Variants in AKAP9 observed in about 807,000 individuals in gnomAD.
AKAP9 encodes the protein A-kinase anchoring protein 9, also known as A-kinase anchor protein 9.
In AKAP9, 311 loss-of-function variants were observed where a neutral mutation model predicts 488.5. That is an observed-to-expected ratio of 0.64 (90% confidence interval 0.58 to 0.70). The LOEUF is 0.70. AKAP9 is among the 30% of genes least tolerant of loss of function. AKAP9 has a pLI of 0.00. For synonymous variants in AKAP9, 1,462 were observed against 1,483.5 expected (o/e 0.99, Z 0.33); for missense variants, 4,215 against 4,374.5 (o/e 0.96, Z 1.03).
chr7:92,107,200 A>G, intron 47 of AKAP9, 93 bp from the exon 48 acceptor site: 1 of 1,205,384 alleles, frequency 8.3e-7, no homozygotes, highest in South Asian at 1.2e-5. Flanking sequence ...AATATAGTAT[A>G]ATAGTCTTTT....
chr7:92,008,353 AAAAAG>A (rs1028919171), intron 8 of AKAP9, among the ~76,000 whole-genome samples: 81 of 149,360 alleles, frequency 5.4e-4, no homozygotes, highest in African/African-American at 1.9e-3. Flanking sequence ...GGCGACAGAA[AAAAAG>A]AAAAGAAAAG....
rs371461279 is a variant in AKAP9, at chr7:92,080,113, A to C, written c.7980A>C (p.Lys2660Asn). The C allele has an allele frequency of 1.3e-5, 21 of 1,591,230 alleles. No homozygotes were observed. Among genetic ancestry groups the C allele is most frequent in the Admixed American group, 5.4e-5 (3 of 55,514 alleles). ...LEGNEKKQRE[K>N]EKKRSPQDVE... Reference sequence around the variant, plus strand: ...GCAATGAGAAAAAACAGAGAGAGAAAGAAAAGAAAAGAAGCCCTCAAGATG... The same window carrying C: ...GCAATGAGAAAAAACAGAGAGAGAACGAAAAGAAAAGAAGCCCTCAAGATG... The change falls in exon 31 of 50, where the codon AAA (lysine) becomes AAC (asparagine). Residue 2660 changes from lysine to asparagine, a missense_variant. Lys to Asn is a moderately conservative substitution (Grantham distance 94). Around this residue, in one of 5 missense-constraint regions of AKAP9, gnomAD observed 1,476 missense variants for 1,477.4 expected, o/e 1.00. Coordinates refer to ENST00000356239, the MANE Select transcript of AKAP9 (RefSeq NM_005751.5).
chr7:91,949,842 A>G (rs1245153691), intron 1 of AKAP9, among the ~76,000 whole-genome samples: 1 of 152,138 alleles, frequency 6.6e-6, no homozygotes, highest in East Asian at 1.9e-4. Flanking sequence ...CTTGTTCACT[A>G]ACAATGTAGT....
rs371245265 is a variant in AKAP9, at chr7:91,940,883, T to TGGCGGCGGCGGC, written c.-211_-200dup. The TGGCGGCGGCGGC allele has an allele frequency of 1.3e-5, 8 of 601,712 alleles. No individual in the cohort carries two copies. Among genetic ancestry groups the TGGCGGCGGCGGC allele is most frequent in the Admixed American group, 5.7e-5 (2 of 35,138 alleles). The allele number at this position is 601,712 out of a possible 1,614,324, so 37.3% of individuals were successfully genotyped here. On this transcript the variant is annotated 5_prime_UTR_variant, in exon 1 of 50. Coordinates refer to ENST00000356239, the MANE Select transcript of AKAP9 (RefSeq NM_005751.5). ...CCGTGTGTTTACGTGGAGACGAAGA[T>TGGCGGCGGCGGC]GGCGGCGGCGGCGGCGGTGACGGCG... is the stretch of plus-strand genomic sequence containing the variant.
At chr7:92,097,380 G>T in intron 41 of AKAP9, 23 bp downstream of exon 41, 1 of 1,609,014 alleles carries the variant, frequency 6.2e-7, no homozygotes, top group Non-Finnish European at 8.5e-7. Flanking sequence ...TTTCTTTTTA[G>T]ATATTTTTAA....
chr7:92,055,340 A>G (rs1205303141), intron 22 of AKAP9, among the ~76,000 whole-genome samples: 2 of 152,076 alleles, frequency 1.3e-5, no homozygotes, highest in African/African-American at 4.8e-5. Context: ...TTTGCCTTCA[A>G]GTATTGTCCC....
intron 21 of AKAP9, among the ~76,000 whole-genome samples, chr7:92,050,937 C>T (rs916895329): frequency 2.0e-5 from 3 of 152,170 alleles, no homozygotes; most frequent in Admixed American, 1.3e-4. Flanking sequence ...TATCTTCTTT[C>T]CTTGTCTTCT....
Position 92,096,704 on chromosome 7 carries a change from C to G in AKAP9, c.9745C>G (p.Leu3249Val). 1 of 1,614,012 alleles carries G rather than the reference C, an allele frequency of 6.2e-7. No individual in the cohort carries two copies. Among genetic ancestry groups the G allele is most frequent in the Non-Finnish European group, 8.5e-7 (1 of 1,179,972 alleles). The stretch of plus-strand genomic sequence containing the variant: ...CTCGTACCAGGATCTGAAGTTTTCA[C>G]TTGAGAGTCAGAAACAAAGGAATCT... ...KEELEDLKFS[L>V]ESQKQRNLQL... The change falls in exon 41 of 50, where the codon CTT becomes GTT. Residue 3249 changes from leucine to valine, a missense_variant. Physicochemically the swap from Leu to Val is conservative, Grantham distance 32. Transcript: ENST00000356239.
chr7:92,073,859 C>CT (rs1307763052), intron 28 of AKAP9, among the ~76,000 whole-genome samples: 1 of 152,148 alleles, frequency 6.6e-6, no homozygotes, highest in Admixed American at 6.5e-5. Context: ...AAACACAAGT[C>CT]TTACACAAAA....
At chr7:92,034,812 T>TA (rs1804927182) in intron 16 of AKAP9, among the ~76,000 whole-genome samples, 1 of 152,062 alleles carries the variant, frequency 6.6e-6, no homozygotes, top group Non-Finnish European at 1.5e-5. Context: ...AGTATTCTTT[T>TA]ATCATTTAAT....
intron 46 of AKAP9, among the ~76,000 whole-genome samples, chr7:92,104,212 A>G (rs1027624745): frequency 3.6e-4 from 52 of 143,120 alleles, no homozygotes; most frequent in African/African-American, 1.3e-3. Flanking sequence ...TTTTTTTGAG[A>G]CAGAGTCTTG....
rs730880044 is a variant in AKAP9 at position 92,105,725 on chromosome 7, C to G, written c.11378C>G (p.Ser3793Cys). Residue 3793 changes from serine (S) to cysteine (C), a missense_variant, in exon 47 of 50, where the codon TCC (serine) becomes TGC (cysteine). Transcript: ENST00000356239. ...RRWHRVTGSV[S>C]ININRDGFGL... Reference sequence around the variant, plus strand: ...TGGCATCGAGTCACAGGTTCTGTTTCCATCAATATTAACAGAGATGGCTTT... The same window carrying G: ...TGGCATCGAGTCACAGGTTCTGTTTGCATCAATATTAACAGAGATGGCTTT... The G allele has an allele frequency of 1.1e-5, 17 of 1,613,986 alleles. No individual in the cohort carries two copies. The highest frequency in any genetic ancestry group is 1.4e-5 in the Non-Finnish European group (17 of 1,180,002).
Position 92,012,416 on chromosome 7 carries a change from T to C in AKAP9, c.3319-13T>C. The C allele has an allele frequency of 6.2e-7, 1 of 1,600,950 alleles. No individual in the cohort carries two copies. Among genetic ancestry groups the C allele is most frequent in the South Asian group, 1.1e-5 (1 of 90,584 alleles). On this transcript the variant is annotated splice_polypyrimidine_tract_variant and intron_variant, in intron 8 of 49. Coordinates refer to ENST00000356239, the MANE Select transcript of AKAP9 (RefSeq NM_005751.5). The stretch of plus-strand genomic sequence containing the variant: ...TTAAGAATATTATAATGTTTACATA[T>C]GTTTACTTTAAGAATGATTTAAGGC...
intron 1 of AKAP9, among the ~76,000 whole-genome samples, chr7:91,942,843 T>G (rs1562872394): frequency 6.6e-6 from 1 of 152,156 alleles, no homozygotes; most frequent in Non-Finnish European, 1.5e-5. Context: ...AAGATTATCT[T>G]CTTTTAGAAT....
chr7:92,042,182 C>T lies in AKAP9; in HGVS notation c.5054C>T (p.Thr1685Ile). 4 of 1,613,790 alleles carry T rather than the reference C, an allele frequency of 2.5e-6. No homozygotes were observed. The highest frequency in any genetic ancestry group is 3.4e-6 in the Non-Finnish European group (4 of 1,179,792). ...CCELRNSSTQ[T>I]QNGNENQGEV... ...GAGCTGCGCAACAGCAGTACGCAAACACAGGTAGTATGGACTTTGCCCCAC... is the reference window on the plus strand; with the variant it reads ...GAGCTGCGCAACAGCAGTACGCAAATACAGGTAGTATGGACTTTGCCCCAC... The change falls in exon 19 of 50, where the codon ACA (threonine) becomes ATA (isoleucine). Residue 1685 changes from threonine (T) to isoleucine (I), a missense_variant. Thr to Ile is a moderately conservative substitution (Grantham distance 89). This residue lies in a region of AKAP9 where 2,361 missense variants were observed against 2,430.0 expected (regional missense o/e 0.97). Transcript: ENST00000356239.
intron 14 of AKAP9, among the ~76,000 whole-genome samples, chr7:92,023,290 C>T (rs1802595269): frequency 6.6e-6 from 1 of 152,132 alleles, no homozygotes; most frequent in Non-Finnish European, 1.5e-5. Flanking sequence ...CGGCAGTGTG[C>T]ACATATTTGC....
rs878854809 is a variant in AKAP9 at position 92,079,099 on chromosome 7, A to G, written c.6966A>G (p.Glu2322=). ...TDNKVIEEKN[E]LIRDLETQIE... is the part of the protein sequence containing the mutation. ...ATTAGGTTATTGAAGAAAAAAATGAACTGATAAGGGATCTTGAAACCCAAA... is the reference window on the plus strand; with the variant it reads ...ATTAGGTTATTGAAGAAAAAAATGAGCTGATAAGGGATCTTGAAACCCAAA... The change falls in exon 31 of 50, where the codon GAA becomes GAG. Residue 2322 remains glutamate (E), a synonymous_variant. Transcript: ENST00000356239. 6.2e-7 allele frequency: 1 copy of G among 1,607,788 alleles called. No homozygotes were observed. Among genetic ancestry groups the G allele is most frequent in the Non-Finnish European group, 8.5e-7 (1 of 1,177,580 alleles).
rs552327578 is a variant in AKAP9 at position 91,951,834 on chromosome 7, C to T, written c.48+10687C>T. On this transcript the variant is annotated intron_variant, in intron 1 of 49. Transcript: ENST00000356239. ...CGCTTGCAGTGAGCCAAGATCATGC[C>T]ACTGCACTCCAGCCTGGGCAACAGA... Among the ~76,000 whole-genome samples, 5 of 152,118 alleles carry T rather than the reference C, an allele frequency of 3.3e-5. No homozygotes were observed. The East Asian group carries it at 7.7e-4, about 24-fold the overall frequency.
At chr7:92,091,446 C>T (rs569648238) in intron 38 of AKAP9, among the ~76,000 whole-genome samples, 4 of 151,806 alleles carry the variant, frequency 2.6e-5, no homozygotes, top group Non-Finnish European at 4.4e-5. Flanking sequence ...ATTAGCTTGG[C>T]GTGATGCTCG....
Sources: gnomAD v4.1 joint callset for allele counts (sites outside exome capture counted in the v4.1 genomes callset) on GRCh38, gnomAD v4.1.1 for gene constraint, gnomAD v4.1.1 regional missense constraint, MANE v1.5 for transcripts, NCBI Gene and HGNC (gene_info 2026-07-23, HGNC 2026-07-21) for gene names.